The following UBE2L3 variants were observed in gnomAD, a reference collection of about 807,000 sequenced individuals.
UBE2L3 encodes the protein ubiquitin conjugating enzyme E2 L3.
Under a neutral mutation model 17.8 loss-of-function variants are expected in UBE2L3, and 1 was observed. That is an observed-to-expected ratio of 0.06 (90% CI 0.02 to 0.27). UBE2L3 has a LOEUF of 0.27. UBE2L3 is among the 10% of genes least tolerant of loss of function. UBE2L3 has a pLI of 1.00. For synonymous variants in UBE2L3, 44 were observed against 68.5 expected (o/e 0.64, Z 1.76); for missense variants, 40 against 192.6 (o/e 0.21, Z 4.69).
upstream of UBE2L3, among the ~76,000 whole-genome samples, chr22:21,563,684 C>T (rs1318092846): frequency 6.8e-6 from 1 of 148,028 alleles, no homozygotes; most frequent in Non-Finnish European, 1.5e-5. Flanking sequence ...TCGAGCGATT[C>T]TCCCGCCTCA....
At chr22:21,604,317 G>A (rs925410041) in intron 2 of UBE2L3, among the ~76,000 whole-genome samples, 1 of 152,042 alleles carries the variant, frequency 6.6e-6, no homozygotes, top group Non-Finnish European at 1.5e-5. Flanking sequence ...TGGGCAACAC[G>A]GTGAAACCCC....
At position 21,606,278 on chromosome 22, in the gene UBE2L3, T is replaced by G. The variant is rs560593998; in HGVS notation, c.124-4579T>G. Among the ~76,000 whole-genome samples, 4 of 150,378 alleles carry G rather than the reference T, an allele frequency of 2.7e-5. No homozygotes were observed. The South Asian group carries it at 8.5e-4, about 32-fold the overall frequency. On this transcript the variant is annotated intron_variant, in intron 2 of 3. Transcript: ENST00000342192. ...TTTAGCAGATTTCACCAACCAAAAG[T>G]CATGCAGGAAAGTGTGCGCGCGCGC...
chr22:21,568,651 G>T (rs1943740035), intron 1 of UBE2L3, among the ~76,000 whole-genome samples: 1 of 152,168 alleles, frequency 6.6e-6, no homozygotes, highest in Admixed American at 6.5e-5. Flanking sequence ...TTTTGCCAGT[G>T]GATTTGCCAA....
At chr22:21,605,233 G>A (rs772388056) in intron 2 of UBE2L3, among the ~76,000 whole-genome samples, 1 of 151,976 alleles carries the variant, frequency 6.6e-6, no homozygotes, top group Non-Finnish European at 1.5e-5. Flanking sequence ...TTGCTCTATC[G>A]CCTAGGCAGG....
intron 1 of UBE2L3, among the ~76,000 whole-genome samples, chr22:21,583,594 G>A (rs1392431980): frequency 6.6e-6 from 1 of 152,176 alleles, no homozygotes; most frequent in East Asian, 1.9e-4. Context: ...GACTTCAGAG[G>A]AGACTCAAGA....
chr22:21,618,274 A>G (rs947234620), intron 3 of UBE2L3, among the ~76,000 whole-genome samples: 1 of 151,752 alleles, frequency 6.6e-6, no homozygotes, highest in South Asian at 2.1e-4. Flanking sequence ...AGGTCTTTAA[A>G]TTTTTATTTT....
intron 2 of UBE2L3, among the ~76,000 whole-genome samples, chr22:21,598,283 T>C (rs1461679860): frequency 6.6e-6 from 1 of 151,420 alleles, no homozygotes; most frequent in South Asian, 2.1e-4. Context: ...CCTTAAAATA[T>C]CCAGTTAGAT....
intron 1 of UBE2L3, among the ~76,000 whole-genome samples, chr22:21,573,070 T>G (rs1927073438): frequency 6.6e-6 from 1 of 152,150 alleles, no homozygotes; most frequent in African/African-American, 2.4e-5. Context: ...ATCGAGCTCC[T>G]TAATGGTTCA....
intron 3 of UBE2L3, among the ~76,000 whole-genome samples, chr22:21,620,462 C>T (rs77836506): frequency 0.012 from 1,809 of 152,118 alleles, 40 homozygotes; most frequent in African/African-American, 0.04. Context: ...ATCAGCAGTT[C>T]GGAGAAGAGG....
At chr22:21,593,271 C>T (rs1191213308) in intron 2 of UBE2L3, among the ~76,000 whole-genome samples, 2 of 152,126 alleles carry the variant, frequency 1.3e-5, no homozygotes, top group African/African-American at 4.8e-5. Flanking sequence ...TCAGCAGGAC[C>T]TTCTTCTCTG....
intron 1 of UBE2L3, among the ~76,000 whole-genome samples, chr22:21,558,771 T>C (rs1926329417): frequency 6.6e-6 from 1 of 152,070 alleles, no homozygotes; most frequent in Non-Finnish European, 1.5e-5. Context: ...ATTACAGGCA[T>C]GAGCCACCAC....
chr22:21,581,571 A>G (rs936091583), intron 1 of UBE2L3, among the ~76,000 whole-genome samples: 4 of 151,914 alleles, frequency 2.6e-5, no homozygotes, highest in Admixed American at 1.3e-4. Flanking sequence ...GGAGGCCTAG[A>G]TGGGCAGATC....
intron 2 of UBE2L3, among the ~76,000 whole-genome samples, chr22:21,606,126 T>A: frequency 6.6e-6 from 1 of 152,234 alleles, no homozygotes; most frequent in East Asian, 1.9e-4. Flanking sequence ...AGGCAAAGTC[T>A]GAGGCTAGAC....
chr22:21,597,122 G>GCGTGCAC (rs1928573375), intron 2 of UBE2L3, among the ~76,000 whole-genome samples: 1 of 151,806 alleles, frequency 6.6e-6, no homozygotes, highest in Non-Finnish European at 1.5e-5. Context: ...GGGACTATAG[G>GCGTGCAC]CGTGCACCAC....
intron 1 of UBE2L3, among the ~76,000 whole-genome samples, chr22:21,572,137 A>G (rs372438076): frequency 3.9e-5 from 6 of 152,244 alleles, no homozygotes; most frequent in African/African-American, 1.4e-4. Context: ...GGTATTTACT[A>G]GAAAACTCTG....
intron 1 of UBE2L3, among the ~76,000 whole-genome samples, chr22:21,561,154 C>A (rs1341475353): frequency 1.3e-5 from 2 of 152,412 alleles, no homozygotes; most frequent in African/African-American, 4.8e-5. Flanking sequence ...CTCTGACCAG[C>A]CAGATGACTG....
chr22:21,604,798 A>T (rs975590571), intron 2 of UBE2L3, among the ~76,000 whole-genome samples: 12 of 152,262 alleles, frequency 7.9e-5, no homozygotes, highest in African/African-American at 2.6e-4. Flanking sequence ...TGTGTGACTT[A>T]TGCACACCTG....
chr22:21,579,654 G>A (rs973002203), intron 1 of UBE2L3, among the ~76,000 whole-genome samples: 1 of 151,996 alleles, frequency 6.6e-6, no homozygotes, highest in African/African-American at 2.4e-5. Flanking sequence ...GCCTGTAGTC[G>A]CAGCTTCTCA....
intron 1 of UBE2L3, among the ~76,000 whole-genome samples, chr22:21,560,399 C>T (rs1302644547): frequency 3.3e-5 from 5 of 152,172 alleles, no homozygotes; most frequent in African/African-American, 7.2e-5. Flanking sequence ...CCAGGACAGA[C>T]GTATCTTCTG....
Sources: gnomAD v4.1 joint callset for allele counts (sites outside exome capture counted in the v4.1 genomes callset) on GRCh38, gnomAD v4.1.1 for gene constraint, MANE v1.5 for transcripts, NCBI Gene and HGNC (gene_info 2026-07-23, HGNC 2026-07-21) for gene names.